Variants in TRMU observed in about 807,000 individuals in gnomAD.
The protein encoded by TRMU is tRNA mitochondrial 2-thiouridylase, also known as mitochondrial tRNA-specific 2-thiouridylase 1.
A neutral mutation model predicts 46.9 loss-of-function variants in TRMU; 49 were observed. The observed-to-expected ratio is 1.05, with a 90% CI of 0.83 to 1.33. The LOEUF (loss-of-function observed/expected upper bound fraction) is 1.33, where lower values mean the gene tolerates loss of function less well. Among genes scored for constraint, TRMU ranks in the 40% most tolerant of loss-of-function variants. The probability of loss-of-function intolerance (pLI) is 0.00; values close to 1 mark genes in which losing one functional copy is unlikely to be tolerated. For missense variants in TRMU, 572 were observed against 532.4 expected (o/e 1.07, Z -0.73); for synonymous variants, 241 against 200.9 (o/e 1.20, Z -1.69).
At chr22:46,356,389 C>T (rs992814852) in intron 10 of TRMU, 22 of 456,076 alleles carry the variant, frequency 4.8e-5, no homozygotes, top group African/African-American at 7.9e-5. Context: ...GGCAGAGGGT[C>T]GGGGCCCCTG....
rs1315274102 is a variant in TRMU, at chr22:46,338,226, T to A, written c.248+282T>A. On this transcript the variant is annotated intron_variant, in intron 2 of 10. Coordinates refer to ENST00000645190, the MANE Select transcript of TRMU (RefSeq NM_018006.5). The surrounding 1 kb of genome is among the most constrained non-coding windows in gnomAD (Gnocchi z 4.5). Reference sequence around the variant, plus strand: ...ACCTTGAGCTGTTTCTGTTGCCCAGTTAGGATAGGGGAGCTAAGGCTGAGG... The same window carrying A: ...ACCTTGAGCTGTTTCTGTTGCCCAGATAGGATAGGGGAGCTAAGGCTGAGG... The A allele has an allele frequency of 2.3e-6, 1 of 429,360 alleles. No individual in the cohort carries two copies. The highest frequency in any genetic ancestry group is 2.0e-5 in the African/African-American group (1 of 49,600). 26.6% of individuals were successfully genotyped at this position (429,360 alleles called of 1,614,324 possible).
In TRMU at chr22:46,353,874, G is replaced by C. The variant is rs2078513988; in HGVS notation, c.873+7G>C. The C allele has an allele frequency of 6.2e-7, 1 of 1,612,976 alleles. No homozygotes were observed. The highest frequency in any genetic ancestry group is 1.7e-5 in the Admixed American group (1 of 59,984). On this transcript the variant is annotated splice_region_variant and intron_variant, in intron 8 of 10. Coordinates refer to ENST00000645190, the MANE Select transcript of TRMU (RefSeq NM_018006.5). ...CAAGGGTGACGTGTTTGTGGTGAGT[G>C]GGCCGGCCTCTGAGACAGCACTGGG...
At chr22:46,355,304 G>A in intron 8 of TRMU, 140 bp from the exon 9 acceptor site, 1 of 1,325,862 alleles carries the variant, frequency 7.5e-7, no homozygotes. Context: ...ATTTCTGTGG[G>A]TAGAACACTT....
intron 1 of TRMU, among the ~76,000 whole-genome samples, chr22:46,337,320 A>T (rs1335678545): frequency 6.6e-6 from 1 of 152,244 alleles, no homozygotes; most frequent in African/African-American, 2.4e-5. Flanking sequence ...AAAATAGGTC[A>T]TAAACTAGGT....
At position 46,337,734 on chromosome 22, in the gene TRMU, A is replaced by G. The variant is rs1601934828; in HGVS notation, c.83-45A>G. The stretch of plus-strand genomic sequence containing the variant: ...CTCAGAAATCACTGCCGTTTTACCG[A>G]AGGTTGATTTATGTATTCTCTTTAA... On this transcript the variant is annotated intron_variant, in intron 1 of 10. Transcript: ENST00000645190. 7 of 1,612,472 alleles carry G rather than the reference A, an allele frequency of 4.3e-6. No homozygotes were observed. In the East Asian group the frequency reaches 1.6e-4, roughly 36 times the overall value.
In TRMU at chr22:46,349,473, T is replaced by C. The variant is rs2078348170; in HGVS notation, c.479-818T>C. Among the ~76,000 whole-genome samples, 1 of 152,238 alleles carries C rather than the reference T, an allele frequency of 6.6e-6. No homozygotes were observed. The highest frequency in any genetic ancestry group is 2.1e-4 in the South Asian group (1 of 4,832). ...TCTGCCAAGCCAGGAAGGGTAGGTGTGCTGTCTGACCGTCACGGCATGTGG... is the reference window on the plus strand; with the variant it reads ...TCTGCCAAGCCAGGAAGGGTAGGTGCGCTGTCTGACCGTCACGGCATGTGG... On this transcript the variant is annotated intron_variant, in intron 4 of 10. Coordinates refer to ENST00000645190, the MANE Select transcript of TRMU (RefSeq NM_018006.5). This position sits in a 1 kb window ranked among gnomAD's most constrained non-coding sequence, Gnocchi z 4.6.
chr22:46,336,144 A>G lies in TRMU; in HGVS notation c.82+298A>G. 1.5e-6 allele frequency: 2 copies of G among 1,310,760 alleles called. No homozygotes were observed. Among genetic ancestry groups the G allele is most frequent in the South Asian group, 3.3e-5 (2 of 61,502 alleles). The allele number at this position is 1,310,760 out of a possible 1,614,324, so 81.2% of individuals were successfully genotyped here. On this transcript the variant is annotated intron_variant, in intron 1 of 10. Coordinates refer to ENST00000645190, the MANE Select transcript of TRMU (RefSeq NM_018006.5). The surrounding 1 kb of genome is among the most constrained non-coding windows in gnomAD (Gnocchi z 4.1). ...CGGGCCGGGGTGGGGTGGGGAGGGA[A>G]GGGTTTCTCACGGATCTGCGGCGTC...
rs886070924 is a variant in TRMU, at chr22:46,349,186, G to A, written c.479-1105G>A. On this transcript the variant is annotated intron_variant, in intron 4 of 10. Transcript: ENST00000645190. This position sits in a 1 kb window ranked among gnomAD's most constrained non-coding sequence, Gnocchi z 4.6. ...CTGGAAAGTGCTCTGCTTCCGTGGC[G>A]ACTGGTCGGCTGAACTTGGTCTCAC... 5.3e-5 allele frequency among the ~76,000 whole-genome samples: 8 copies of A among 151,504 alleles called. No homozygotes were observed. Among genetic ancestry groups the A allele is most frequent in the Non-Finnish European group, 1.5e-5 (1 of 67,938 alleles).
At chr22:46,352,411 C>T in intron 7 of TRMU, 81 bp downstream of exon 7, 1 of 1,518,682 alleles carries the variant, frequency 6.6e-7, no homozygotes, top group Non-Finnish European at 9.1e-7. Flanking sequence ...GACCAGAGTT[C>T]CTGTCGTCCC....
At chr22:46,346,165 G>A (rs2078251045) in intron 3 of TRMU, among the ~76,000 whole-genome samples, 1 of 152,062 alleles carries the variant, frequency 6.6e-6, no homozygotes, top group Non-Finnish European at 1.5e-5. Context: ...AATTAACTTT[G>A]GAAAGGCTCT....
rs190976408 is a variant in TRMU at position 46,347,731 on chromosome 22, C to T, written c.478+1187C>T. Among the ~76,000 whole-genome samples, 12 of 152,280 alleles carry T rather than the reference C, an allele frequency of 7.9e-5. No individual in the cohort carries two copies. Among genetic ancestry groups the T allele is most frequent in the African/African-American group, 1.9e-4 (8 of 41,540 alleles). Reference sequence around the variant, plus strand: ...TTTCACAGATGAGGAAACCGAGGCCCGGATGAAGCCATCTGACCTGGGTCC... The same window carrying T: ...TTTCACAGATGAGGAAACCGAGGCCTGGATGAAGCCATCTGACCTGGGTCC... On this transcript the variant is annotated intron_variant, in intron 4 of 10. Transcript: ENST00000645190. This position sits in a 1 kb window ranked among gnomAD's most constrained non-coding sequence, Gnocchi z 5.0.
Position 46,336,265 on chromosome 22 carries a change from A to G in TRMU, c.82+419A>G, listed in dbSNP as rs2077974309. Reference sequence around the variant, plus strand: ...GCACACGCTGTGGCCGCCCGGTGGGAGGTCCTTGTCCTCCCCACTCAGCAG... The same window carrying G: ...GCACACGCTGTGGCCGCCCGGTGGGGGGTCCTTGTCCTCCCCACTCAGCAG... On this transcript the variant is annotated intron_variant, in intron 1 of 10. Transcript: ENST00000645190. The surrounding 1 kb of genome is among the most constrained non-coding windows in gnomAD (Gnocchi z 4.1). The G allele has an allele frequency of 2.5e-5, 13 of 527,794 alleles. No individual in the cohort carries two copies. Among genetic ancestry groups the G allele is most frequent in the Non-Finnish European group, 3.3e-5 (13 of 397,160 alleles). The allele number at this position is 527,794 out of a possible 1,614,324, so 32.7% of individuals were successfully genotyped here.
Position 46,342,543 on chromosome 22 carries a change from A to G in TRMU, c.249-719A>G, listed in dbSNP as rs1189427382. On this transcript the variant is annotated intron_variant, in intron 2 of 10. Coordinates refer to ENST00000645190, the MANE Select transcript of TRMU (RefSeq NM_018006.5). The surrounding 1 kb of genome is among the most constrained non-coding windows in gnomAD (Gnocchi z 4.7). ...GGGGAGGGTCTTAAGACCCACAGTC[A>G]GAAAGGTAGACGCTTGTAATCCTAG... Among the ~76,000 whole-genome samples, 1 of 152,244 alleles carries G rather than the reference A, an allele frequency of 6.6e-6. No homozygotes were observed.
intron 10 of TRMU, chr22:46,356,363 G>C (rs1365507266): frequency 8.1e-6 from 4 of 494,124 alleles, no homozygotes; most frequent in South Asian, 4.2e-5. Context: ...AGGGGCATGA[G>C]GACAGTGCTC....
rs2147859327 is a variant in TRMU, at chr22:46,339,989, C to T, written c.248+2045C>T. Among the ~76,000 whole-genome samples, 1 of 151,288 alleles carries T rather than the reference C, an allele frequency of 6.6e-6. No individual in the cohort carries two copies. Among genetic ancestry groups the T allele is most frequent in the African/African-American group, 2.4e-5 (1 of 41,238 alleles). On this transcript the variant is annotated intron_variant, in intron 2 of 10. Coordinates refer to ENST00000645190, the MANE Select transcript of TRMU (RefSeq NM_018006.5). This position sits in a 1 kb window ranked among gnomAD's most constrained non-coding sequence, Gnocchi z 4.8. ...ATACAGGATAAATCTGGGGGAAGACCAAAGGCAGAGAGTCTCAGGAAGTGC... is the reference window on the plus strand; with the variant it reads ...ATACAGGATAAATCTGGGGGAAGACTAAAGGCAGAGAGTCTCAGGAAGTGC...
rs559014583 is a variant in TRMU, at chr22:46,343,449, G to A, written c.355+81G>A. ...CACCCAGGCTGGATTGCAGTGGTGC[G>A]ATCATGACTCACTGCAGCCTCGACC... On this transcript the variant is annotated intron_variant, in intron 3 of 10. Transcript: ENST00000645190. The A allele has an allele frequency of 1.0e-4, 106 of 1,052,678 alleles. No individual in the cohort carries two copies. The African/African-American group carries it at 1.4e-3, about 14-fold the overall frequency. The allele number at this position is 1,052,678 out of a possible 1,614,324, so 65.2% of individuals were successfully genotyped here. A position where few individuals can be genotyped will look rare whatever the true frequency, so the allele number is the denominator to read the frequency against.
Position 46,349,129 on chromosome 22 carries a change from C to A in TRMU, c.479-1162C>A, listed in dbSNP as rs2078336819. On this transcript the variant is annotated intron_variant, in intron 4 of 10. Transcript: ENST00000645190. The surrounding 1 kb of genome is among the most constrained non-coding windows in gnomAD (Gnocchi z 4.6). ...CTCCAGCCTGGGCGACAGAGCGAGACTCCATCTCAAAAAAAAAAAAAAAAG... is the reference window on the plus strand; with the variant it reads ...CTCCAGCCTGGGCGACAGAGCGAGAATCCATCTCAAAAAAAAAAAAAAAAG... Among the ~76,000 whole-genome samples the A allele has an allele frequency of 6.7e-6, 1 of 150,330 alleles. No individual in the cohort carries two copies. Among genetic ancestry groups the A allele is most frequent in the Non-Finnish European group, 1.5e-5 (1 of 67,660 alleles).
rs767891094 is a variant in TRMU, at chr22:46,355,512, G to C, written c.942G>C (p.Ala314=). ...GGACCAGCCGCGTGCACTGGATTGCGGAGGAGCCTCCCGCAGCACTGGTCC... is the reference window on the plus strand; with the variant it reads ...GGACCAGCCGCGTGCACTGGATTGCCGAGGAGCCTCCCGCAGCACTGGTCC... ...LLRTSRVHWI[A]EEPPAALVRD... The change falls in exon 9 of 11, where the codon GCG becomes GCC. Residue 314 remains alanine (A), a synonymous_variant. Coordinates refer to ENST00000645190, the MANE Select transcript of TRMU (RefSeq NM_018006.5). The C allele has an allele frequency of 6.2e-7, 1 of 1,613,242 alleles. No homozygotes were observed. The highest frequency in any genetic ancestry group is 8.5e-7 in the Non-Finnish European group (1 of 1,180,024).
At chr22:46,355,357 AG>A in intron 8 of TRMU, 86 bp from the exon 9 acceptor site, 1 of 1,550,492 alleles carries the variant, frequency 6.4e-7, no homozygotes, top group Non-Finnish European at 8.7e-7. Context: ...GTGTGCTGGT[AG>A]GACAGTTGTT....
Sources: allele counts gnomAD v4.1 joint callset (sites outside exome capture counted in the v4.1 genomes callset), GRCh38; gene constraint gnomAD v4.1.1; non-coding constraint Gnocchi (gnomAD v3.1); transcripts MANE v1.5; gene names NCBI Gene and HGNC (gene_info 2026-07-23, HGNC 2026-07-21).